HS3ST5: variants seen among roughly 807,000 people sequenced by gnomAD.
HS3ST5 encodes heparan sulfate glucosamine 3-O-sulfotransferase 5.
A neutral mutation model predicts 25.4 loss-of-function variants in HS3ST5; 10 were observed. The ratio of observed to expected loss-of-function variants is 0.39; its 90% CI spans 0.24 to 0.67. The LOEUF is 0.67. HS3ST5 is among the 30% of genes least tolerant of loss of function. HS3ST5 has a pLI of 0.44. For missense variants in HS3ST5, 324 were observed against 420.7 expected (o/e 0.77, Z 2.01); for synonymous variants, 170 against 162.4 (o/e 1.05, Z -0.36).
At chr6:114,188,203 G>C (rs1417789573) in intron 2 of HS3ST5, among the ~76,000 whole-genome samples, 2 of 152,048 alleles carry the variant, frequency 1.3e-5, no homozygotes, top group Non-Finnish European at 2.9e-5. Flanking sequence ...GGCTCAGATG[G>C]GGTAAGTCGA....
chr6:114,076,882 C>T (rs927720999), intron 3 of HS3ST5, among the ~76,000 whole-genome samples: 4 of 152,122 alleles, frequency 2.6e-5, no homozygotes, highest in Non-Finnish European at 2.9e-5. Flanking sequence ...TCAGGATGCT[C>T]ATAATTGCTC....
At chr6:114,341,161 GGGGAGGGAGGGA>G (rs1215257052) in intron 1 of HS3ST5, among the ~76,000 whole-genome samples, 1 of 137,504 alleles carries the variant, frequency 7.3e-6, no homozygotes, top group African/African-American at 2.8e-5. Flanking sequence ...GGGGGAGAGA[GGGGAGGGAGGGA>G]GGGAGAGGGA....
At chr6:114,223,274 A>G (rs982210225) in intron 2 of HS3ST5, among the ~76,000 whole-genome samples, 1 of 151,764 alleles carries the variant, frequency 6.6e-6, no homozygotes, top group Non-Finnish European at 1.5e-5. Context: ...GCCATCATAA[A>G]CCACTTTGCA....
intron 1 of HS3ST5, among the ~76,000 whole-genome samples, chr6:114,254,326 C>T (rs529363653): frequency 7.2e-5 from 11 of 152,302 alleles, no homozygotes; most frequent in African/African-American, 2.6e-4. Flanking sequence ...TAGTAAATAG[C>T]TGGGGCTATG....
chr6:114,126,605 T>C (rs1033743604), intron 3 of HS3ST5, among the ~76,000 whole-genome samples: 2 of 152,346 alleles, frequency 1.3e-5, no homozygotes, highest in South Asian at 4.1e-4. Context: ...AGGTATCTAA[T>C]GTATGTAAGA....
At chr6:114,331,690 C>T (rs1284856005) in intron 1 of HS3ST5, among the ~76,000 whole-genome samples, 1 of 151,992 alleles carries the variant, frequency 6.6e-6, no homozygotes, top group African/African-American at 2.4e-5. Flanking sequence ...TGACCATGCA[C>T]ATCTAAAAAA....
intron 1 of HS3ST5, among the ~76,000 whole-genome samples, chr6:114,239,699 G>A (rs1772014909): frequency 6.6e-6 from 1 of 152,126 alleles, no homozygotes; most frequent in Admixed American, 6.6e-5. Flanking sequence ...GCAGGCACAG[G>A]TGAAATCCCC....
At chr6:114,151,384 A>G (rs1778444613) in intron 3 of HS3ST5, among the ~76,000 whole-genome samples, 1 of 152,170 alleles carries the variant, frequency 6.6e-6, no homozygotes, top group South Asian at 2.1e-4. Flanking sequence ...CTGGGATTAA[A>G]TTGTTATGGC....
In HS3ST5 at chr6:114,342,441, C is replaced by T. The variant is rs1776925463; in HGVS notation, c.-585G>A. The stretch of plus-strand genomic sequence containing the variant: ...ACGCAGGCGGCGGCGGCGGCGGCGG[C>T]GGCGGCGAGGTCTGAGGCGGGGAGC... On this transcript the variant is annotated 5_prime_UTR_variant, in exon 1 of 5. Coordinates refer to ENST00000312719, the MANE Select transcript of HS3ST5 (RefSeq NM_153612.4). The T allele has an allele frequency of 5.2e-6, 1 of 193,690 alleles. No individual in the cohort carries two copies. The highest frequency in any genetic ancestry group is 1.0e-5 in the Non-Finnish European group (1 of 99,290). The allele number at this position is 193,690 out of a possible 1,614,324, so 12.0% of individuals were successfully genotyped here.
chr6:114,161,524 TATATATATATATATATA>T (rs1562220856), intron 3 of HS3ST5, among the ~76,000 whole-genome samples: 1 of 16,292 alleles, frequency 6.1e-5, no homozygotes, highest in African/African-American at 3.5e-4. Flanking sequence ...TGAAGTTTTA[TATATATATATATATATA>T]TATATATATA....
chr6:114,196,372 G>A (rs1166738482), intron 2 of HS3ST5, among the ~76,000 whole-genome samples: 3 of 152,060 alleles, frequency 2.0e-5, no homozygotes, highest in Non-Finnish European at 2.9e-5. Flanking sequence ...GCAGGGAGAC[G>A]GAGTTGAGCA....
chr6:114,202,858 C>T (rs1192672054), intron 2 of HS3ST5, among the ~76,000 whole-genome samples: 2 of 152,130 alleles, frequency 1.3e-5, no homozygotes, highest in Non-Finnish European at 2.9e-5. Context: ...TAACTCTCCT[C>T]AAATGAAAAC....
At chr6:114,263,416 A>C (rs1231067441) in intron 1 of HS3ST5, among the ~76,000 whole-genome samples, 1 of 152,216 alleles carries the variant, frequency 6.6e-6, no homozygotes, top group African/African-American at 2.4e-5. Context: ...AAATAAAAAA[A>C]CAAAACCCTT....
chr6:114,254,472 G>A (rs1309009040), intron 1 of HS3ST5, among the ~76,000 whole-genome samples: 1 of 152,224 alleles, frequency 6.6e-6, no homozygotes. Flanking sequence ...TGAGTCTCTT[G>A]AGTAGGGTAG....
chr6:114,165,670 A>G (rs565771497), intron 3 of HS3ST5, among the ~76,000 whole-genome samples: 1 of 152,326 alleles, frequency 6.6e-6, no homozygotes, highest in Admixed American at 6.5e-5. Flanking sequence ...TACCTACCTC[A>G]GGACACTGAA....
chr6:114,097,545 A>C (rs991368059), intron 3 of HS3ST5, among the ~76,000 whole-genome samples: 1 of 151,926 alleles, frequency 6.6e-6, no homozygotes, highest in Non-Finnish European at 1.5e-5. Flanking sequence ...TCCGTGTTGC[A>C]TATTTCTTAT....
intron 3 of HS3ST5, among the ~76,000 whole-genome samples, chr6:114,166,028 AAAAT>A (rs1779194030): frequency 1.3e-5 from 2 of 152,242 alleles, no homozygotes; most frequent in Admixed American, 6.5e-5. Flanking sequence ...AAAACTTTAA[AAAAT>A]AAATAAATAA....
rs1383234779 is a variant in HS3ST5, at chr6:114,332,342, C to T, written c.-339+9853G>A. ...CGTTTTCTCCATCATCTAGCACACT[C>T]GATACTGTTTGTTTCGTTGAAAGTT... On this transcript the variant is annotated intron_variant, in intron 1 of 4. Coordinates refer to ENST00000312719, the MANE Select transcript of HS3ST5 (RefSeq NM_153612.4). Among the ~76,000 whole-genome samples the T allele has an allele frequency of 3.9e-5, 6 of 152,054 alleles. No individual in the cohort carries two copies. In the South Asian group the frequency reaches 6.2e-4, roughly 16 times the overall value.
intron 2 of HS3ST5, among the ~76,000 whole-genome samples, chr6:114,182,881 C>T (rs149925907): frequency 6.6e-6 from 1 of 152,246 alleles, no homozygotes; most frequent in Non-Finnish European, 1.5e-5. Flanking sequence ...AAACGGATGG[C>T]CCTACTCAGT....
Sources: allele counts gnomAD v4.1 joint callset (sites outside exome capture counted in the v4.1 genomes callset), GRCh38; gene constraint gnomAD v4.1.1; transcripts MANE v1.5; gene names NCBI Gene and HGNC (gene_info 2026-07-23, HGNC 2026-07-21).